The following NUP98 variants were observed in gnomAD, a reference collection of about 807,000 sequenced individuals.
The protein encoded by NUP98 is nucleoporin 98 and 96 precursor.
Under a neutral mutation model 191.9 loss-of-function variants are expected in NUP98, and 26 were observed. The ratio of observed to expected loss-of-function variants is 0.14; its 90% CI spans 0.10 to 0.19. The LOEUF (loss-of-function observed/expected upper bound fraction) is 0.19. NUP98 is among the 10% of genes least tolerant of loss of function. The pLI is 1.00. For missense variants in NUP98, 1,941 were observed against 2,178.8 expected, an observed-to-expected ratio of 0.89 and a Z score of 2.17; for synonymous variants, 808 against 778.4, an observed-to-expected ratio of 1.04 and a Z score of -0.63.
chr11:3,717,654 T>C (rs1379271482), intron 18 of NUP98, among the ~76,000 whole-genome samples: 2 of 152,186 alleles, frequency 1.3e-5, no homozygotes, highest in East Asian at 3.9e-4. Flanking sequence ...CAAAACTGTA[T>C]TAACTTTTAT....
intron 16 of NUP98, among the ~76,000 whole-genome samples, chr11:3,722,238 T>C (rs1312686676): frequency 2.0e-5 from 3 of 151,004 alleles, no homozygotes; most frequent in Non-Finnish European, 2.9e-5. Context: ...TCAGCTTCCG[T>C]AGTAGCTGCA....
At chr11:3,789,766 G>T (rs2082273239) in intron 1 of NUP98, among the ~76,000 whole-genome samples, 1 of 151,496 alleles carries the variant, frequency 6.6e-6, no homozygotes. Flanking sequence ...CCTGTGCCAG[G>T]CCCATTTACT....
rs2081544594 is a variant in NUP98, at chr11:3,771,878, C to T, written c.654G>A (p.Gln218=). Residue 218 remains glutamine, a synonymous_variant, in exon 7 of 33, where the codon CAG becomes CAA. Coordinates refer to ENST00000324932, the MANE Select transcript of NUP98 (RefSeq NM_016320.5). ...AGCCAGTTGTGGTACCTGCTCCCACCTGGTTCTGTGGGCCCTTCCTGTTAG... is the reference window on the plus strand; with the variant it reads ...AGCCAGTTGTGGTACCTGCTCCCACTTGGTTCTGTGGGCCCTTCCTGTTAG... The part of the protein sequence containing the change: ...YQANRKGPQN[Q]VGAGTTTGLF... 5 of 1,614,168 alleles carry T rather than the reference C, an allele frequency of 3.1e-6. No homozygotes were observed. The African/African-American group carries it at 6.7e-5, about 22-fold the overall frequency.
chr11:3,686,815 T>C (rs1372078593), intron 28 of NUP98, among the ~76,000 whole-genome samples: 1 of 152,026 alleles, frequency 6.6e-6, no homozygotes, highest in Non-Finnish European at 1.5e-5. Context: ...GTGAAACTCT[T>C]GCCTCTACTA....
At chr11:3,760,253 C>T (rs1251421585) in intron 10 of NUP98, 3 of 451,480 alleles carry the variant, frequency 6.6e-6, no homozygotes, top group African/African-American at 5.9e-5. Context: ...AATGTGTTTC[C>T]TTTATGGTTT....
intron 15 of NUP98, 105 bp downstream of exon 15, chr11:3,724,998 G>A: frequency 1.7e-6 from 1 of 598,008 alleles, no homozygotes; most frequent in East Asian, 2.6e-5. Context: ...ATACTTCTAT[G>A]TAATATTCAT....
chr11:3,698,957 G>A lies in NUP98; in HGVS notation c.4009+125C>T, dbSNP rs2078596177. 14 of 1,045,772 alleles carry A rather than the reference G, an allele frequency of 1.3e-5. No homozygotes were observed. In the South Asian group the frequency reaches 1.8e-4, roughly 14 times the overall value. The allele number at this position is 1,045,772 out of a possible 1,614,324, so 64.8% of individuals were successfully genotyped here. On this transcript the variant is annotated intron_variant, in intron 25 of 32. Coordinates refer to ENST00000324932, the MANE Select transcript of NUP98 (RefSeq NM_016320.5). ...TCCACGGGAACCAGCAATCTTTCTG[G>A]GAAGTCCGCAATTAATACTCATAGG... is the stretch of plus-strand genomic sequence containing the variant.
At chr11:3,726,148 A>T (rs548715824) in intron 14 of NUP98, among the ~76,000 whole-genome samples, 2 of 152,272 alleles carry the variant, frequency 1.3e-5, no homozygotes, top group Non-Finnish European at 2.9e-5. Context: ...GAACTCTCAA[A>T]TTTCTAAGAA....
chr11:3,745,927 A>T (rs1358322491), intron 11 of NUP98, among the ~76,000 whole-genome samples: 1 of 152,206 alleles, frequency 6.6e-6, no homozygotes, highest in Non-Finnish European at 1.5e-5. Flanking sequence ...AATATAAATC[A>T]GTAAGGATGA....
At chr11:3,736,935 C>T (rs1475937293) in intron 12 of NUP98, among the ~76,000 whole-genome samples, 4 of 152,050 alleles carry the variant, frequency 2.6e-5, no homozygotes, top group Admixed American at 2.6e-4. Context: ...AATCACTAAG[C>T]CTAATTTTTT....
chr11:3,774,165 C>T (rs895563205), intron 5 of NUP98, among the ~76,000 whole-genome samples: 3 of 152,016 alleles, frequency 2.0e-5, no homozygotes, highest in East Asian at 1.9e-4. Flanking sequence ...TCTGGGAGGC[C>T]GAGGCGGGTG....
At chr11:3,775,785 A>G (rs2081699091) in intron 5 of NUP98, 97 bp downstream of exon 5, 1 of 1,201,844 alleles carries the variant, frequency 8.3e-7, no homozygotes. Context: ...GGCAGTGTCA[A>G]GCTAAGCTGG....
At chr11:3,755,832 C>G (rs2080941082) in intron 10 of NUP98, among the ~76,000 whole-genome samples, 1 of 151,270 alleles carries the variant, frequency 6.6e-6, no homozygotes. Context: ...GGTGTGGTGG[C>G]AGGCGCCTAT....
chr11:3,786,599 C>T (rs1160801027), intron 1 of NUP98, among the ~76,000 whole-genome samples: 1 of 152,162 alleles, frequency 6.6e-6, no homozygotes, highest in South Asian at 2.1e-4. Context: ...TTCTCAGATA[C>T]AAGAAGTAGC....
intron 14 of NUP98, among the ~76,000 whole-genome samples, chr11:3,728,196 AG>A (rs1382696036): frequency 5.9e-5 from 9 of 152,230 alleles, no homozygotes; most frequent in Non-Finnish European, 1.0e-4. Flanking sequence ...AACAGGAGCA[AG>A]GAACAGTAAG....
intron 15 of NUP98, among the ~76,000 whole-genome samples, chr11:3,724,015 A>G (rs2079513076): frequency 6.6e-6 from 1 of 152,084 alleles, no homozygotes; most frequent in Admixed American, 6.6e-5. Context: ...TCATTAAAAA[A>G]GAAAAGACAA....
intron 13 of NUP98, among the ~76,000 whole-genome samples, chr11:3,734,937 T>G (rs2079987556): frequency 6.6e-6 from 1 of 152,192 alleles, no homozygotes; most frequent in Non-Finnish European, 1.5e-5. Flanking sequence ...ATGAGAACAT[T>G]AATATCTGCC....
chr11:3,738,169 T>A (rs2080146294), intron 12 of NUP98, among the ~76,000 whole-genome samples: 1 of 151,276 alleles, frequency 6.6e-6, no homozygotes, highest in Non-Finnish European at 1.5e-5. Flanking sequence ...TTTATATCTG[T>A]ATGAATAAAT....
chr11:3,774,758 G>A (rs1387334533), intron 5 of NUP98, among the ~76,000 whole-genome samples: 2 of 151,656 alleles, frequency 1.3e-5, no homozygotes, highest in Admixed American at 1.3e-4. Flanking sequence ...AACATTACAA[G>A]GAAAAAGGCA....
Sources: allele counts gnomAD v4.1 joint callset (sites outside exome capture counted in the v4.1 genomes callset), GRCh38; gene constraint gnomAD v4.1.1; transcripts MANE v1.5; gene names NCBI Gene and HGNC (gene_info 2026-07-23, HGNC 2026-07-21).